The following TMEM51 variants were observed in gnomAD, a reference collection of about 807,000 sequenced individuals.
The protein encoded by TMEM51 is chromosome 1 open reading frame 72.
Under a neutral mutation model 13.6 loss-of-function variants are expected in TMEM51, and 8 were observed. The ratio of observed to expected loss-of-function variants is 0.59; its 90% CI spans 0.35 to 1.07. The LOEUF (loss-of-function observed/expected upper bound fraction) is 1.07, where lower values mean the gene tolerates loss of function less well. Among genes scored for constraint, TMEM51 ranks in the 50% least tolerant of loss-of-function variants. TMEM51 has a pLI of 0.02. For synonymous variants in TMEM51, 147 were observed against 144.4 expected, an observed-to-expected ratio of 1.02 and a Z score of -0.13; for missense variants, 279 against 330.7, an observed-to-expected ratio of 0.84 and a Z score of 1.21.
chr1:15,211,232 G>A (rs1644333844), intron 2 of TMEM51, among the ~76,000 whole-genome samples: 3 of 152,106 alleles, frequency 2.0e-5, no homozygotes, highest in Admixed American at 6.5e-5. Context: ...CCCTCCCTGA[G>A]AAGTCTTTTT....
intron 1 of TMEM51, among the ~76,000 whole-genome samples, chr1:15,157,035 C>G (rs1380185454): frequency 1.3e-5 from 2 of 152,224 alleles, no homozygotes; most frequent in African/African-American, 4.8e-5. Flanking sequence ...GGCCACCCCT[C>G]CTGGGAGCTC....
At chr1:15,164,559 A>G in intron 1 of TMEM51, 1 of 441,196 alleles carries the variant, frequency 2.3e-6, no homozygotes, top group Non-Finnish European at 4.6e-6. Context: ...TCACTTGGTT[A>G]AGGTGGTGTC....
At chr1:15,181,961 G>C (rs1327240992) in intron 1 of TMEM51, among the ~76,000 whole-genome samples, 1 of 152,048 alleles carries the variant, frequency 6.6e-6, no homozygotes, top group African/African-American at 2.4e-5. Flanking sequence ...AGGAGTTCAA[G>C]ACCAGCCTGA....
chr1:15,183,415 G>A (rs12045099), intron 1 of TMEM51, among the ~76,000 whole-genome samples: 84,013 of 152,034 alleles, frequency 0.55, 24,604 homozygotes, highest in East Asian at 0.9. Context: ...CGATTCTGCC[G>A]ATTACCAGCT....
At chr1:15,187,564 C>A (rs1414782195) in intron 1 of TMEM51, among the ~76,000 whole-genome samples, 1 of 152,202 alleles carries the variant, frequency 6.6e-6, no homozygotes, top group African/African-American at 2.4e-5. Context: ...CCTTTCTTTT[C>A]TCCTGTATCT....
chr1:15,191,283 C>T (rs975665026), intron 1 of TMEM51, among the ~76,000 whole-genome samples: 1 of 152,186 alleles, frequency 6.6e-6, no homozygotes, highest in African/African-American at 2.4e-5. Flanking sequence ...GGAACACAGC[C>T]GTTGGTCACC....
chr1:15,219,302 C>G, intron 3 of TMEM51, 24 bp from the exon 4 acceptor site: 1 of 1,556,920 alleles, frequency 6.4e-7, no homozygotes, highest in Non-Finnish European at 8.7e-7. Flanking sequence ...CTAACACTCT[C>G]CCTGTCTGTG....
chr1:15,182,276 C>G (rs947161156), intron 1 of TMEM51, among the ~76,000 whole-genome samples: 1 of 152,238 alleles, frequency 6.6e-6, no homozygotes, highest in African/African-American at 2.4e-5. Flanking sequence ...AATCCCTGCT[C>G]TCTTCTTGGC....
chr1:15,191,042 C>A (rs112924950), intron 1 of TMEM51, among the ~76,000 whole-genome samples: 1,846 of 152,318 alleles, frequency 0.012, 23 homozygotes, highest in Middle Eastern at 0.034. Context: ...CAGCCTTGGC[C>A]TCCCAAAGTG....
chr1:15,162,883 T>C (rs1487923279), intron 1 of TMEM51, among the ~76,000 whole-genome samples: 2 of 152,084 alleles, frequency 1.3e-5, no homozygotes, highest in South Asian at 2.1e-4. Flanking sequence ...TAGGGTTTAA[T>C]GGGTAAGGGG....
chr1:15,178,118 C>T lies in TMEM51; in HGVS notation c.-267+24164C>T, dbSNP rs72860791. Among the ~76,000 whole-genome samples, 369 of 152,320 alleles carry T rather than the reference C, an allele frequency of 2.4e-3. 2 individuals carry two copies. Among genetic ancestry groups the T allele is most frequent in the African/African-American group, 7.2e-3 (299 of 41,558 alleles). On this transcript the variant is annotated intron_variant, in intron 1 of 3. Coordinates refer to ENST00000376008, the MANE Select transcript of TMEM51 (RefSeq NM_001136218.2). The stretch of plus-strand genomic sequence containing the variant: ...GGCATTTAGCACTTAGCTGAGTTGA[C>T]CCATCAGGCCACATGAGGTCCTTGT...
intron 1 of TMEM51, chr1:15,191,783 G>A (rs1643926775): frequency 6.3e-6 from 2 of 316,794 alleles, no homozygotes; most frequent in African/African-American, 4.4e-5. Context: ...TTTATTTCCA[G>A]CTGTTGAGAC....
At chr1:15,177,026 TATTAAGGAGAGAGTCTGGCCAGATGG>T (rs1296692385) in intron 1 of TMEM51, among the ~76,000 whole-genome samples, 1 of 151,956 alleles carries the variant, frequency 6.6e-6, no homozygotes, top group African/African-American at 2.4e-5. Context: ...CAGTGGGGGA[TATTAAGGAGAGAGTCTGGCCAGATGG>T]GAGGCAGCAG....
chr1:15,175,331 C>G (rs1402390916), intron 1 of TMEM51, among the ~76,000 whole-genome samples: 1 of 152,128 alleles, frequency 6.6e-6, no homozygotes, highest in Non-Finnish European at 1.5e-5. Context: ...ACCTGGGAGG[C>G]AGAGGTTGCA....
Position 15,156,767 on chromosome 1 carries a change from C to T in TMEM51, c.-267+2813C>T, listed in dbSNP as rs532421049. Among the ~76,000 whole-genome samples, 5 of 152,250 alleles carry T rather than the reference C, an allele frequency of 3.3e-5. No individual in the cohort carries two copies. The South Asian group carries it at 1.0e-3, about 32-fold the overall frequency. On this transcript the variant is annotated intron_variant, in intron 1 of 3. Transcript: ENST00000376008. ...AACTCAGAGAGGGGATGGGACTTAC[C>T]CAAGGACACACAACAGTTCAGCAGC...
chr1:15,208,964 T>G (rs1326734458), intron 1 of TMEM51, among the ~76,000 whole-genome samples: 1 of 152,170 alleles, frequency 6.6e-6, no homozygotes, highest in African/African-American at 2.4e-5. Context: ...ATATGTGAAT[T>G]GTAATGAATA....
At chr1:15,192,249 T>TAGCGTAAGTACACGGGTGG (rs138170119) in intron 1 of TMEM51, 66,056 of 375,024 alleles carry the variant, frequency 0.18, 7,085 homozygotes, top group African/African-American at 0.22. Context: ...GTCTTTCACT[T>TAGCGTAAGTACACGGGTGG]AGTTTTTAGC....
intron 1 of TMEM51, among the ~76,000 whole-genome samples, chr1:15,157,710 C>A (rs1300287691): frequency 6.6e-6 from 1 of 152,150 alleles, no homozygotes; most frequent in African/African-American, 2.4e-5. Flanking sequence ...CCTGTCTGTT[C>A]AAACTGGCAT....
At chr1:15,194,796 G>T (rs1459224165) in intron 1 of TMEM51, among the ~76,000 whole-genome samples, 1 of 151,704 alleles carries the variant, frequency 6.6e-6, no homozygotes, top group Non-Finnish European at 1.5e-5. Flanking sequence ...CATTCTGATT[G>T]GTTATCCCCT....
Sources: gnomAD v4.1 joint callset for allele counts (sites outside exome capture counted in the v4.1 genomes callset) on GRCh38, gnomAD v4.1.1 for gene constraint, MANE v1.5 for transcripts, NCBI Gene and HGNC (gene_info 2026-07-23, HGNC 2026-07-21) for gene names.